CCSER1: variants seen among roughly 807,000 people sequenced by gnomAD.
The protein encoded by CCSER1 is serine-rich coiled-coil domain-containing protein 1.
A neutral mutation model predicts 82.0 loss-of-function variants in CCSER1; 41 were observed. The observed-to-expected ratio is 0.50, with a 90% CI of 0.39 to 0.65. The LOEUF (loss-of-function observed/expected upper bound fraction) is 0.65, where lower values mean the gene tolerates loss of function less well. Among genes scored for constraint, CCSER1 ranks in the 30% least tolerant of loss-of-function variants. The pLI is 0.00. For synonymous variants in CCSER1, 414 were observed against 383.9 expected (o/e 1.08, Z -0.92); for missense variants, 1,119 against 1,064.2 (o/e 1.05, Z -0.72).
rs528752970 is a variant in CCSER1 at position 90,918,947 on chromosome 4, A to G, written c.2095-4423A>G. Among the ~76,000 whole-genome samples, 74 of 151,978 alleles carry G rather than the reference A, an allele frequency of 4.9e-4. 1 individual carries two copies. In the South Asian group the frequency reaches 8.3e-3, roughly 17 times the overall value. On this transcript the variant is annotated intron_variant, in intron 8 of 10. Coordinates refer to ENST00000509176, the MANE Select transcript of CCSER1 (RefSeq NM_001145065.2). The stretch of plus-strand genomic sequence containing the variant: ...ATCTTCCAATTTTGTGTTTAACTCT[A>G]TGTTGACTTTATCATTTTATTCCAA...
intron 1 of CCSER1, among the ~76,000 whole-genome samples, chr4:90,214,987 T>C (rs1189101052): frequency 6.6e-6 from 1 of 152,208 alleles, no homozygotes; most frequent in Non-Finnish European, 1.5e-5. Context: ...AGATTTGTTA[T>C]TAAGGGAAGA....
At chr4:91,364,131 G>C (rs1020101443) in intron 10 of CCSER1, among the ~76,000 whole-genome samples, 13 of 152,044 alleles carry the variant, frequency 8.6e-5, no homozygotes, top group African/African-American at 2.4e-5. Flanking sequence ...TGGCAAAACA[G>C]CTATTAGTAT....
chr4:90,538,035 A>C (rs1030844592), intron 5 of CCSER1, among the ~76,000 whole-genome samples: 6 of 152,008 alleles, frequency 3.9e-5, no homozygotes, highest in Non-Finnish European at 7.4e-5. Flanking sequence ...AAGGGATGGG[A>C]CCTTTTAAAT....
intron 8 of CCSER1, among the ~76,000 whole-genome samples, chr4:90,913,962 C>T (rs1395160560): frequency 6.6e-6 from 1 of 152,184 alleles, no homozygotes; most frequent in Non-Finnish European, 1.5e-5. Context: ...AATATGCATG[C>T]ACCCATTACA....
intron 9 of CCSER1, among the ~76,000 whole-genome samples, chr4:91,062,807 AAG>A (rs1466607022): frequency 6.6e-6 from 1 of 152,120 alleles, no homozygotes; most frequent in Admixed American, 6.6e-5. Flanking sequence ...AGAAGAGAAA[AAG>A]AAAACAATCT....
intron 5 of CCSER1, among the ~76,000 whole-genome samples, chr4:90,533,382 A>G (rs1053060203): frequency 1.3e-5 from 2 of 152,172 alleles, no homozygotes; most frequent in Non-Finnish European, 2.9e-5. Flanking sequence ...GGCGTGAGCC[A>G]CTGCTCCTGG....
chr4:91,162,484 G>C (rs901327845), intron 10 of CCSER1, among the ~76,000 whole-genome samples: 8 of 152,076 alleles, frequency 5.3e-5, no homozygotes, highest in South Asian at 2.1e-4. Flanking sequence ...TCTATTGATT[G>C]GAATATTTTC....
At chr4:91,560,694 T>G (rs1401034976) in intron 10 of CCSER1, among the ~76,000 whole-genome samples, 1 of 151,426 alleles carries the variant, frequency 6.6e-6, no homozygotes, top group Admixed American at 6.6e-5. Context: ...CCTCAAATAG[T>G]AATTGATTTC....
At chr4:90,901,114 CTCTT>C (rs1724582786) in intron 8 of CCSER1, among the ~76,000 whole-genome samples, 1 of 151,870 alleles carries the variant, frequency 6.6e-6, no homozygotes, top group African/African-American at 2.4e-5. Flanking sequence ...GCAACCCCTG[CTCTT>C]TCTTGTTTTT....
chr4:90,576,091 G>A (rs1272692865), intron 5 of CCSER1, among the ~76,000 whole-genome samples: 4 of 150,954 alleles, frequency 2.6e-5, no homozygotes, highest in Non-Finnish European at 4.4e-5. Flanking sequence ...GGTTGTCTTC[G>A]TTTTGCTTAC....
intron 10 of CCSER1, among the ~76,000 whole-genome samples, chr4:91,548,515 T>C (rs1462583500): frequency 1.3e-5 from 2 of 152,176 alleles, no homozygotes; most frequent in Non-Finnish European, 2.9e-5. Context: ...GGGCAACTTA[T>C]TTTAACATTT....
chr4:90,375,641 A>T (rs2153528179), intron 3 of CCSER1, among the ~76,000 whole-genome samples: 1 of 152,302 alleles, frequency 6.6e-6, no homozygotes, highest in African/African-American at 2.4e-5. Flanking sequence ...CCATGATTTG[A>T]TAATCATTTC....
chr4:91,350,617 C>T (rs1464909321), intron 10 of CCSER1, among the ~76,000 whole-genome samples: 1 of 151,998 alleles, frequency 6.6e-6, no homozygotes, highest in Non-Finnish European at 1.5e-5. Flanking sequence ...ACATTAACTA[C>T]ATGTTACTTT....
intron 10 of CCSER1, among the ~76,000 whole-genome samples, chr4:91,524,968 G>A (rs1201603080): frequency 6.6e-6 from 1 of 152,018 alleles, no homozygotes; most frequent in African/African-American, 2.4e-5. Context: ...AAATCAGGCA[G>A]CTTAAGACTC....
chr4:90,930,998 A>G (rs1278466806), intron 9 of CCSER1, among the ~76,000 whole-genome samples: 4 of 145,756 alleles, frequency 2.7e-5, no homozygotes, highest in South Asian at 4.3e-4. Context: ...TGACATACAC[A>G]CATAAATATC....
chr4:91,186,144 G>C (rs1734511842), intron 10 of CCSER1, among the ~76,000 whole-genome samples: 1 of 152,172 alleles, frequency 6.6e-6, no homozygotes, highest in South Asian at 2.1e-4. Context: ...TTTTCACCCA[G>C]TGTCCTCCAG....
intron 1 of CCSER1, among the ~76,000 whole-genome samples, chr4:90,179,386 AT>A (rs978702803): frequency 6.6e-6 from 1 of 151,780 alleles, no homozygotes; most frequent in African/African-American, 2.4e-5. Context: ...CCGAAGTATA[AT>A]TTTTTTTTAA....
At chr4:90,340,104 C>T (rs1308712176) in intron 3 of CCSER1, among the ~76,000 whole-genome samples, 1 of 151,996 alleles carries the variant, frequency 6.6e-6, no homozygotes, top group Non-Finnish European at 1.5e-5. Context: ...TATATTTTCC[C>T]CCCAACACTT....
intron 1 of CCSER1, among the ~76,000 whole-genome samples, chr4:90,218,555 G>A (rs1396558781): frequency 1.3e-5 from 2 of 152,166 alleles, no homozygotes; most frequent in African/African-American, 4.8e-5. Context: ...CAGTGAGGCA[G>A]TCTGGCTTTA....
Sources: gnomAD v4.1 joint callset for allele counts (sites outside exome capture counted in the v4.1 genomes callset) on GRCh38, gnomAD v4.1.1 for gene constraint, MANE v1.5 for transcripts, NCBI Gene and HGNC (gene_info 2026-07-23, HGNC 2026-07-21) for gene names.